The following N4BP1 variants were observed in gnomAD, a reference collection of about 807,000 sequenced individuals.
N4BP1 encodes NEDD4 binding protein 1, also known as NEDD4-binding protein 1.
N4BP1 carries 21 observed loss-of-function variants against 70.9 expected under a neutral mutation model. That is an observed-to-expected ratio of 0.30 (90% CI 0.21 to 0.43). The LOEUF (loss-of-function observed/expected upper bound fraction) is 0.43. Ranked by LOEUF, N4BP1 falls within the 20% of genes least tolerant of loss-of-function variation. N4BP1 has a pLI of 1.00. For synonymous variants in N4BP1, 387 were observed against 394.6 expected, an observed-to-expected ratio of 0.98 and a Z score of 0.23; for missense variants, 936 against 1,069.4, an observed-to-expected ratio of 0.88 and a Z score of 1.74.
intron 4 of N4BP1, among the ~76,000 whole-genome samples, chr16:48,551,075 T>C (rs774000037): frequency 9.2e-5 from 14 of 152,100 alleles, no homozygotes; most frequent in African/African-American, 2.7e-4. Context: ...GAGATAATAT[T>C]TGAAACCATT....
intron 1 of N4BP1, among the ~76,000 whole-genome samples, chr16:48,582,220 C>A (rs562621447): frequency 1.2e-3 from 178 of 152,238 alleles, no homozygotes; most frequent in African/African-American, 4.0e-3. Flanking sequence ...GTTTCAGTTA[C>A]CCTTGGTCAA....
intron 1 of N4BP1, among the ~76,000 whole-genome samples, chr16:48,565,839 T>C (rs1963935768): frequency 6.6e-6 from 1 of 152,240 alleles, no homozygotes; most frequent in South Asian, 2.1e-4. Context: ...AGCTATTTCA[T>C]ATGAAGTGAG....
chr16:48,610,144 C>T lies in N4BP1; in HGVS notation c.-172G>A, dbSNP rs1305070960. 2.1e-5 allele frequency: 4 copies of T among 189,376 alleles called. No individual in the cohort carries two copies. Among genetic ancestry groups the T allele is most frequent in the African/African-American group, 7.1e-5 (3 of 42,038 alleles). The allele number at this position is 189,376 out of a possible 1,614,324, so 11.7% of individuals were successfully genotyped here. On this transcript the variant is annotated 5_prime_UTR_variant, in exon 1 of 7. Transcript: ENST00000262384. The stretch of plus-strand genomic sequence containing the variant: ...CCCGGCTATACCATCCCGCCACGAC[C>T]GCAGCAGCTTGGCAATTGCTGGCAG...
At chr16:48,597,326 G>A (rs1403830696) in intron 1 of N4BP1, among the ~76,000 whole-genome samples, 2 of 152,150 alleles carry the variant, frequency 1.3e-5, no homozygotes, top group Non-Finnish European at 2.9e-5. Flanking sequence ...TGAATTTAGG[G>A]TATATGAAGC....
intron 1 of N4BP1, chr16:48,578,390 A>C (rs1368796462): frequency 6.6e-6 from 1 of 152,328 alleles, no homozygotes; most frequent in Non-Finnish European, 1.5e-5. Context: ...CTCAAAGAAG[A>C]AGCAACTATT....
intron 2 of N4BP1, among the ~76,000 whole-genome samples, chr16:48,554,621 C>T (rs1963724602): frequency 6.6e-6 from 1 of 152,222 alleles, no homozygotes; most frequent in South Asian, 2.1e-4. Context: ...ATGAGATTAG[C>T]ATAATCTATG....
At chr16:48,581,489 T>C (rs1224627148) in intron 1 of N4BP1, among the ~76,000 whole-genome samples, 2 of 152,106 alleles carry the variant, frequency 1.3e-5, no homozygotes, top group African/African-American at 4.8e-5. Flanking sequence ...GATTTTACTA[T>C]ATAGGAAACC....
At chr16:48,569,314 T>G (rs996814408) in intron 1 of N4BP1, among the ~76,000 whole-genome samples, 1 of 152,260 alleles carries the variant, frequency 6.6e-6, no homozygotes, top group South Asian at 2.1e-4. Flanking sequence ...CGTAATTAGA[T>G]TCAGGCTGCA....
At chr16:48,597,328 A>G (rs1964429391) in intron 1 of N4BP1, among the ~76,000 whole-genome samples, 1 of 152,224 alleles carries the variant, frequency 6.6e-6, no homozygotes, top group South Asian at 2.1e-4. Context: ...AATTTAGGGT[A>G]TATGAAGCTG....
intron 1 of N4BP1, among the ~76,000 whole-genome samples, chr16:48,568,753 TCA>T (rs565791098): frequency 5.3e-4 from 81 of 152,170 alleles, no homozygotes; most frequent in African/African-American, 1.8e-3. Flanking sequence ...TTCTGATAAG[TCA>T]CAGTCATTTG....
chr16:48,598,647 G>A (rs1361063011), intron 1 of N4BP1, among the ~76,000 whole-genome samples: 2 of 152,240 alleles, frequency 1.3e-5, no homozygotes, highest in South Asian at 4.1e-4. Flanking sequence ...AAAGTCAGAA[G>A]GCAAAGATTA....
At chr16:48,545,752 A>G (rs1265843711) in intron 6 of N4BP1, among the ~76,000 whole-genome samples, 1 of 152,060 alleles carries the variant, frequency 6.6e-6, no homozygotes, top group African/African-American at 2.4e-5. Context: ...TTGGCCAGGC[A>G]TGGTGGCTCA....
chr16:48,551,630 TAAAA>T lies in N4BP1; in HGVS notation c.2021-152_2021-149del, dbSNP rs372509885. 1.9e-4 allele frequency: 91 copies of T among 481,450 alleles called. No homozygotes were observed. In the East Asian group the frequency reaches 2.9e-3, roughly 15 times the overall value. The allele number at this position is 481,450 out of a possible 1,614,324, so 29.8% of individuals were successfully genotyped here. A position where few individuals can be genotyped will look rare whatever the true frequency, so the allele number is the denominator to read the frequency against. ...TCAATTTTACTAACTCACTAGGAATTAAAAAAAAAACAAGCAAGACCCATACTAA... is the reference window on the plus strand; with the variant it reads ...TCAATTTTACTAACTCACTAGGAATTAAAAAACAAGCAAGACCCATACTAA... On this transcript the variant is annotated intron_variant, in intron 3 of 6. Coordinates refer to ENST00000262384, the MANE Select transcript of N4BP1 (RefSeq NM_153029.4).
chr16:48,562,139 T>C lies in N4BP1; in HGVS notation c.504A>G (p.Ala168=), dbSNP rs776977798. Residue 168 remains alanine, a synonymous_variant, in exon 2 of 7, where the codon GCA becomes GCG. Transcript: ENST00000262384. The stretch of plus-strand genomic sequence containing the variant: ...TCAACAAATCCATTGTGTAATTGTC[T>C]GCATGGGCTTCAACAAATTGTTTGA... ...REFKQFVEAH[A]DNYTMDLLIL... is the part of the protein sequence containing the mutation. 58 of 1,613,908 alleles carry C rather than the reference T, an allele frequency of 3.6e-5. No homozygotes were observed. Among genetic ancestry groups the C allele is most frequent in the Non-Finnish European group, 4.7e-5 (56 of 1,179,894 alleles).
chr16:48,542,667 A>G lies in N4BP1; in HGVS notation c.*237T>C. On this transcript the variant is annotated 3_prime_UTR_variant, in exon 7 of 7. Coordinates refer to ENST00000262384, the MANE Select transcript of N4BP1 (RefSeq NM_153029.4). ...TATTAAACAGTTCTGAACAGGCAGA[A>G]AATGTAGACTTTCCTTTAACAGAAA... is the stretch of plus-strand genomic sequence containing the variant. 2.4e-6 allele frequency: 1 copy of G among 408,528 alleles called. No homozygotes were observed. The allele number at this position is 408,528 out of a possible 1,614,324, so 25.3% of individuals were successfully genotyped here.
chr16:48,596,377 G>C (rs554607668), intron 1 of N4BP1, among the ~76,000 whole-genome samples: 12 of 152,062 alleles, frequency 7.9e-5, no homozygotes, highest in Non-Finnish European at 1.6e-4. Context: ...TGGAACCTCA[G>C]CCTGGCTTGC....
chr16:48,545,954 TGGGGCAAA>T (rs1963585172), intron 6 of N4BP1, 185 bp downstream of exon 6: 1 of 430,596 alleles, frequency 2.3e-6, no homozygotes, highest in African/African-American at 2.1e-5. Context: ...TGAAGCCCAG[TGGGGCAAA>T]GGTTGCAGTG....
At chr16:48,557,499 T>A (rs1329703021) in intron 2 of N4BP1, among the ~76,000 whole-genome samples, 1 of 152,206 alleles carries the variant, frequency 6.6e-6, no homozygotes, top group Non-Finnish European at 1.5e-5. Flanking sequence ...GTTGCATTTT[T>A]AAAAATACAG....
At position 48,561,533 on chromosome 16, in the gene N4BP1, C is replaced by T; in HGVS notation, c.1110G>A (p.Val370=). Residue 370 remains valine, a synonymous_variant, in exon 2 of 7, where the codon GTG becomes GTA. Coordinates refer to ENST00000262384, the MANE Select transcript of N4BP1 (RefSeq NM_153029.4). ...ATAATGGTTCAGTAGATGGTCCATA[C>T]ACCTTAATGACCTTTTCAACAATTT... ...SQEIVEKVIK[V]YGPSTEPLLL... 2 of 1,613,820 alleles carry T rather than the reference C, an allele frequency of 1.2e-6. No homozygotes were observed. Among genetic ancestry groups the T allele is most frequent in the African/African-American group, 1.3e-5 (1 of 75,044 alleles).
Sources: gnomAD v4.1 joint callset for allele counts (sites outside exome capture counted in the v4.1 genomes callset) on GRCh38, gnomAD v4.1.1 for gene constraint, MANE v1.5 for transcripts, NCBI Gene and HGNC (gene_info 2026-07-23, HGNC 2026-07-21) for gene names.